Variants in TSPAN7 observed in about 807,000 individuals in gnomAD.
TSPAN7 encodes the protein tetraspanin-7.
In TSPAN7, 1 loss-of-function variant was observed where a neutral mutation model predicts 17.6. That is an observed-to-expected ratio of 0.06 (90% CI 0.02 to 0.27). The LOEUF is 0.27. Ranked by LOEUF, TSPAN7 falls within the 10% of genes least tolerant of loss-of-function variation. TSPAN7 has a pLI of 1.00. For synonymous variants in TSPAN7, 78 were observed against 79.0 expected (o/e 0.99, Z 0.07); for missense variants, 112 against 201.7 (o/e 0.56, Z 2.69).
chrX:38,668,070 A>G (rs2069794378), intron 2 of TSPAN7, among the ~76,000 whole-genome samples: 1 of 112,119 alleles, frequency 8.9e-6, no homozygotes, highest in Non-Finnish European at 1.9e-5. Context: ...AATTCTAAAA[A>G]ACCATCCATT....
chrX:38,566,259 T>C, intron 1 of TSPAN7: 1 of 745,212 alleles, frequency 1.3e-6, no homozygotes, highest in Non-Finnish European at 1.7e-6. Flanking sequence ...GGTTAAATAA[T>C]ATCACCTGAA....
chrX:38,661,175 G>A (rs1179585402), intron 1 of TSPAN7, among the ~76,000 whole-genome samples: 1 of 112,298 alleles, frequency 8.9e-6, no homozygotes, highest in Non-Finnish European at 1.9e-5. Context: ...AGAGCAAGGG[G>A]AATTGTTTAT....
chrX:38,681,609 T>G (rs1302426239), intron 6 of TSPAN7, among the ~76,000 whole-genome samples: 2 of 111,816 alleles, frequency 1.8e-5, no homozygotes, highest in East Asian at 5.6e-4. Context: ...AAACATCAAA[T>G]GGCTGATCTG....
intron 1 of TSPAN7, among the ~76,000 whole-genome samples, chrX:38,663,984 G>A (rs1304301509): frequency 8.9e-6 from 1 of 112,753 alleles, no homozygotes; most frequent in African/African-American, 3.2e-5. Context: ...GAAGTCACAA[G>A]TTTCCGAATG....
At chrX:38,596,890 C>G (rs112203308) in intron 1 of TSPAN7, among the ~76,000 whole-genome samples, 89 of 111,095 alleles carry the variant, frequency 8.0e-4, no homozygotes, top group African/African-American at 2.7e-3. Context: ...ATATTTAAAA[C>G]CTGATTTAAA....
At chrX:38,655,873 T>G in intron 1 of TSPAN7, 1 of 240,259 alleles carries the variant, frequency 4.2e-6, no homozygotes, top group South Asian at 4.9e-5. Context: ...GCAAAGAAGA[T>G]TCTCCCTTTT....
intron 1 of TSPAN7, among the ~76,000 whole-genome samples, chrX:38,579,037 A>C (rs755877307): frequency 8.9e-6 from 1 of 111,939 alleles, no homozygotes; most frequent in South Asian, 3.7e-4. Context: ...TGGTTGGGTG[A>C]TAAGACAATT....
At chrX:38,661,748 T>G in intron 1 of TSPAN7, among the ~76,000 whole-genome samples, 1 of 111,677 alleles carries the variant, frequency 9.0e-6, no homozygotes, top group Non-Finnish European at 1.9e-5. Context: ...TTTAGGGATT[T>G]GAGGTCTCTG....
At chrX:38,608,069 A>G (rs1175189142) in intron 1 of TSPAN7, 1 of 110,534 alleles carries the variant, frequency 9.0e-6, no homozygotes, top group Non-Finnish European at 1.9e-5. Flanking sequence ...AATAAAGCAA[A>G]GGGGAGGGCG....
In TSPAN7 at chrX:38,660,422, C is replaced by T. The variant is rs184813267; in HGVS notation, c.82-5699C>T. ...CCAACATTGTGCAAAGACTTCTCCT[C>T]CTCTTTGTCCCCTTGGCACACACAC... On this transcript the variant is annotated intron_variant, in intron 1 of 7. Transcript: ENST00000378482. Among the ~76,000 whole-genome samples, 219 of 111,972 alleles carry T rather than the reference C, an allele frequency of 2.0e-3. 2 individuals carry two copies. Among genetic ancestry groups the T allele is most frequent in the Admixed American group, 6.5e-3 (69 of 10,536 alleles).
chrX:38,637,015 G>A (rs979949220), intron 1 of TSPAN7, among the ~76,000 whole-genome samples: 8 of 112,115 alleles, frequency 7.1e-5, no homozygotes, highest in Admixed American at 3.8e-4. Flanking sequence ...GAAACATCAC[G>A]GGACAAATAG....
chrX:38,568,975 A>G (rs1487911563), intron 1 of TSPAN7, among the ~76,000 whole-genome samples: 1 of 110,947 alleles, frequency 9.0e-6, no homozygotes, highest in East Asian at 2.8e-4. Context: ...TGAGTGTAAT[A>G]TAGTTTTAAT....
At chrX:38,578,659 A>C (rs1203711669) in intron 1 of TSPAN7, among the ~76,000 whole-genome samples, 1 of 110,897 alleles carries the variant, frequency 9.0e-6, no homozygotes, top group Non-Finnish European at 1.9e-5. Context: ...GGAAAGGTAC[A>C]CTTCTCCACA....
At chrX:38,651,390 G>A (rs1486899748) in intron 1 of TSPAN7, among the ~76,000 whole-genome samples, 1 of 111,343 alleles carries the variant, frequency 9.0e-6, no homozygotes, top group Non-Finnish European at 1.9e-5. Context: ...GCATGAACCC[G>A]GGAGCCGAAG....
intron 1 of TSPAN7, among the ~76,000 whole-genome samples, chrX:38,642,055 C>T (rs900674639): frequency 8.9e-6 from 1 of 111,933 alleles, no homozygotes; most frequent in African/African-American, 3.3e-5. Context: ...AAGCCATTAA[C>T]AATTTCTGTT....
chrX:38,610,006 T>C (rs183486640), intron 1 of TSPAN7, among the ~76,000 whole-genome samples: 52 of 110,829 alleles, frequency 4.7e-4, no homozygotes, highest in Non-Finnish European at 8.7e-4. Context: ...GTACAAAAAA[T>C]CTGAGAGATT....
intron 1 of TSPAN7, among the ~76,000 whole-genome samples, chrX:38,635,426 G>A (rs1233975127): frequency 9.0e-6 from 1 of 111,094 alleles, no homozygotes; most frequent in African/African-American, 3.3e-5. Context: ...CAAGACTTTT[G>A]GGGGCAGAGG....
intron 1 of TSPAN7, among the ~76,000 whole-genome samples, chrX:38,595,937 C>G (rs2069316767): frequency 9.0e-6 from 1 of 111,224 alleles, no homozygotes; most frequent in African/African-American, 3.3e-5. Context: ...GACTAACGTT[C>G]CTCTGAATTA....
chrX:38,624,211 G>A (rs2069507142), intron 1 of TSPAN7, among the ~76,000 whole-genome samples: 1 of 111,010 alleles, frequency 9.0e-6, no homozygotes, highest in South Asian at 3.9e-4. Flanking sequence ...GACATAATTT[G>A]CCTTTCAGCA....
Sources: allele counts gnomAD v4.1 joint callset (sites outside exome capture counted in the v4.1 genomes callset), GRCh38; gene constraint gnomAD v4.1.1; transcripts MANE v1.5; gene names NCBI Gene and HGNC (gene_info 2026-07-23, HGNC 2026-07-21).